FAM120AOS: variants seen among roughly 807,000 people sequenced by gnomAD.
The protein encoded by FAM120AOS is uncharacterized protein FAM120AOS.
A neutral mutation model predicts 20.2 loss-of-function variants in FAM120AOS; 15 were observed. That is an observed-to-expected ratio of 0.74 (90% CI 0.50 to 1.15). FAM120AOS has a LOEUF of 1.15. FAM120AOS is among the 50% of genes most tolerant of loss of function. The probability of loss-of-function intolerance (pLI) is 0.00; values close to 1 mark genes in which losing one functional copy is unlikely to be tolerated. For missense variants in FAM120AOS, 327 were observed against 351.9 expected (o/e 0.93, Z 0.57); for synonymous variants, 154 against 154.0 (o/e 1.00, Z 0.00).
At chr9:93,449,301 G>A (rs1856984710) in intron 2 of FAM120AOS, among the ~76,000 whole-genome samples, 1 of 152,104 alleles carries the variant, frequency 6.6e-6, no homozygotes, top group East Asian at 1.9e-4. Context: ...AACAACCTGG[G>A]AGGTTAAGTA....
chr9:93,452,422 G>C lies in FAM120AOS; in HGVS notation c.288C>G (p.Pro96=), dbSNP rs773846801. The part of the protein sequence containing the change: ...LGRGIGVRRG[P]GPRPARIPGL... ...CGGGGATCCGGGCGGGCCGGGGACC[G>C]GGGCCGCGCCGCACCCCTATCCCCC... Residue 96 remains proline (P), a synonymous_variant, in exon 1 of 3, where the codon CCC becomes CCG. Coordinates refer to ENST00000375412, the MANE Select transcript of FAM120AOS (RefSeq NM_198841.4). This position sits in a 1 kb window ranked among gnomAD's most constrained non-coding sequence, Gnocchi z 7.0. 3 of 1,577,634 alleles carry C rather than the reference G, an allele frequency of 1.9e-6. No homozygotes were observed. The highest frequency in any genetic ancestry group is 2.6e-6 in the Non-Finnish European group (3 of 1,163,514).
rs1265001232 is a variant in FAM120AOS at position 93,443,943 on chromosome 9, G to C, written c.*3668C>G. Among the ~76,000 whole-genome samples, 2 of 152,178 alleles carry C rather than the reference G, an allele frequency of 1.3e-5. No individual in the cohort carries two copies. The highest frequency in any genetic ancestry group is 2.9e-5 in the Non-Finnish European group (2 of 68,036). ...GGCAGAAAGCAGAGAGAGAAAAAAA[G>C]ATGGATTATTTCCACATTCTTCAGA... is the stretch of plus-strand genomic sequence containing the variant. On this transcript the variant is annotated 3_prime_UTR_variant, in exon 3 of 3. Transcript: ENST00000375412.
chr9:93,450,928 C>A, intron 1 of FAM120AOS: 1 of 1,239,452 alleles, frequency 8.1e-7, no homozygotes, highest in South Asian at 1.3e-5. Context: ...CGCAGGCTTT[C>A]CCACGCTGCA....
In FAM120AOS at chr9:93,446,822, G is replaced by C. The variant is rs746513776; in HGVS notation, c.*789C>G. 6.6e-6 allele frequency: 1 copy of C among 152,136 alleles called. No homozygotes were observed. The highest frequency in any genetic ancestry group is 1.5e-5 in the Non-Finnish European group (1 of 68,056). 9.4% of individuals were successfully genotyped at this position (152,136 alleles called of 1,614,324 possible). On this transcript the variant is annotated 3_prime_UTR_variant, in exon 3 of 3. Transcript: ENST00000375412. ...TTTGGACACAAGTTTGGTGAACACG[G>C]TAAGAAAAAAACAAACCAAGCAACA... is the stretch of plus-strand genomic sequence containing the variant.
rs555622411 is a variant in FAM120AOS, at chr9:93,451,521, G to A, written c.563+626C>T. ...CGGATCCCGTCCCGGCCCAACTCCG[G>A]GCCTCCGCCTCCGCCGCCGCCTCCG... On this transcript the variant is annotated intron_variant, in intron 1 of 2. Transcript: ENST00000375412. 2.2e-3 allele frequency: 2,156 copies of A among 997,620 alleles called. 41 individuals are homozygous for A. The African/African-American group carries it at 0.035, about 16-fold the overall frequency. 61.8% of individuals were successfully genotyped at this position (997,620 alleles called of 1,614,324 possible).
rs1044569563 is a variant in FAM120AOS at position 93,453,362 on chromosome 9, C to T, written c.-653G>A. The T allele has an allele frequency of 5.1e-6, 5 of 985,430 alleles. No individual in the cohort carries two copies. The highest frequency in any genetic ancestry group is 6.0e-6 in the Non-Finnish European group (5 of 830,026). The allele number at this position is 985,430 out of a possible 1,614,324, so 61.0% of individuals were successfully genotyped here. On this transcript the variant is annotated 5_prime_UTR_variant, in exon 1 of 3. Transcript: ENST00000375412. ...ACCCAGCAGTGACTGTGAAGATAAGCACATCCATGATCCTGGACTTCACGT... is the reference window on the plus strand; with the variant it reads ...ACCCAGCAGTGACTGTGAAGATAAGTACATCCATGATCCTGGACTTCACGT...
chr9:93,453,144 A>C lies in FAM120AOS; in HGVS notation c.-435T>G. 1 of 1,003,700 alleles carries C rather than the reference A, an allele frequency of 1.0e-6. No homozygotes were observed. Among genetic ancestry groups the C allele is most frequent in the Non-Finnish European group, 1.2e-6 (1 of 842,128 alleles). 62.2% of individuals were successfully genotyped at this position (1,003,700 alleles called of 1,614,324 possible). ...GGTTTTGTAGATCCCATGCGAAAGG[A>C]GTCGCTCAAAATCAGGGGGCGAACT... On this transcript the variant is annotated 5_prime_UTR_variant, in exon 1 of 3. Transcript: ENST00000375412.
At position 93,450,508 on chromosome 9, in the gene FAM120AOS, T is replaced by C; in HGVS notation, c.655A>G (p.Lys219Glu). Residue 219 changes from lysine to glutamate, a missense_variant, in exon 2 of 3, where the codon AAA (lysine) becomes GAA (glutamate). Transcript: ENST00000375412. ...TTCACCGGGAGTATGGGGGCTTCTT[T>C]GGCCAAACCGTGCGCGTGCAGGCTC... is the stretch of plus-strand genomic sequence containing the variant. ...TWSLHAHGLA[K>E]EAPILPVKKI... The C allele has an allele frequency of 6.3e-7, 1 of 1,590,354 alleles. No individual in the cohort carries two copies.
In FAM120AOS at chr9:93,452,533, G is replaced by A; in HGVS notation, c.177C>T (p.Gly59=). ...CCCTTGCCCGGGATAGCCTGGCCGG[G>A]CCGGGCTGCAAGATGGATGGCCGCG... ...LHPRPSILQP[G]PARLSRARAG... is the part of the protein sequence containing the mutation. The change falls in exon 1 of 3, where the codon GGC becomes GGT. Residue 59 remains glycine (G), a synonymous_variant. Coordinates refer to ENST00000375412, the MANE Select transcript of FAM120AOS (RefSeq NM_198841.4). The surrounding 1 kb of genome is among the most constrained non-coding windows in gnomAD (Gnocchi z 7.0). The A allele has an allele frequency of 6.4e-7, 1 of 1,563,262 alleles. No individual in the cohort carries two copies. The highest frequency in any genetic ancestry group is 2.3e-5 in the East Asian group (1 of 42,998).
At chr9:93,450,346 G>T in intron 2 of FAM120AOS, 133 bp downstream of exon 2, 1 of 1,323,398 alleles carries the variant, frequency 7.6e-7, no homozygotes, top group Non-Finnish European at 1.0e-6. Flanking sequence ...ATGCATAGGT[G>T]AGTGGCATAA....
intron 1 of FAM120AOS, chr9:93,451,812 G>A: frequency 1.1e-6 from 1 of 916,002 alleles, no homozygotes. Context: ...GTCCCCCCTA[G>A]AGGCCGCCGC....
At chr9:93,451,474 C>T in intron 1 of FAM120AOS, 1 of 1,097,372 alleles carries the variant, frequency 9.1e-7, no homozygotes, top group Non-Finnish European at 1.1e-6. Flanking sequence ...CAGGCGCTGC[C>T]TGCTCCGGCT....
rs986011666 is a variant in FAM120AOS, at chr9:93,445,903, T to C, written c.*1708A>G. On this transcript the variant is annotated 3_prime_UTR_variant, in exon 3 of 3. Coordinates refer to ENST00000375412, the MANE Select transcript of FAM120AOS (RefSeq NM_198841.4). ...AGTTTAACCAAACTGGAGGCATGTT[T>C]TATATGATGGGCTGATGTCTCATGA... Among the ~76,000 whole-genome samples, 1 of 152,178 alleles carries C rather than the reference T, an allele frequency of 6.6e-6. No individual in the cohort carries two copies.
Position 93,453,521 on chromosome 9 carries a change from G to C in FAM120AOS, c.-812C>G. On this transcript the variant is annotated 5_prime_UTR_variant, in exon 1 of 3. Transcript: ENST00000375412. ...TTGAAACTGCTGGAGCTGAAAGTTTGTGAAATTCTGTCTTCGCGGTTGCCC... is the reference window on the plus strand; with the variant it reads ...TTGAAACTGCTGGAGCTGAAAGTTTCTGAAATTCTGTCTTCGCGGTTGCCC... 1.0e-6 allele frequency: 1 copy of C among 985,468 alleles called. No individual in the cohort carries two copies. Among genetic ancestry groups the C allele is most frequent in the Non-Finnish European group, 1.2e-6 (1 of 829,938 alleles). 61.0% of individuals were successfully genotyped at this position (985,468 alleles called of 1,614,324 possible). A position where few individuals can be genotyped will look rare whatever the true frequency, so the allele number is the denominator to read the frequency against.
intron 2 of FAM120AOS, among the ~76,000 whole-genome samples, chr9:93,449,400 A>G (rs1856989248): frequency 6.6e-6 from 1 of 151,884 alleles, no homozygotes; most frequent in Non-Finnish European, 1.5e-5. Context: ...CATAAGATGG[A>G]TATTGGGGGC....
intron 1 of FAM120AOS, chr9:93,451,501 C>A (rs566024400): frequency 9.8e-7 from 1 of 1,016,456 alleles, no homozygotes; most frequent in South Asian, 4.5e-5. Flanking sequence ...CCTCCCGGAT[C>A]CCGTCCCGGC....
Position 93,444,614 on chromosome 9 carries a change from C to T in FAM120AOS, c.*2997G>A, listed in dbSNP as rs1022110164. 2.9e-4 allele frequency among the ~76,000 whole-genome samples: 42 copies of T among 143,578 alleles called. No individual in the cohort carries two copies. The highest frequency in any genetic ancestry group is 6.1e-4 in the Non-Finnish European group (40 of 65,094). The allele number at this position is 143,578 out of a possible 152,430, so 94.2% of individuals were successfully genotyped here. The stretch of plus-strand genomic sequence containing the variant: ...GTTTTGAGGCCAGTAAGGAGTTCTG[C>T]TTTTTTTTTTTTTTCCTGAGACGGA... On this transcript the variant is annotated 3_prime_UTR_variant, in exon 3 of 3. Coordinates refer to ENST00000375412, the MANE Select transcript of FAM120AOS (RefSeq NM_198841.4).
chr9:93,447,744 G>A (rs1256058144), intron 2 of FAM120AOS, 47 bp from the exon 3 acceptor site: 1 of 1,519,372 alleles, frequency 6.6e-7, no homozygotes, highest in Non-Finnish European at 9.1e-7. Flanking sequence ...TTTGGAATAT[G>A]AAATGTATTT....
intron 1 of FAM120AOS, 144 bp from the exon 2 acceptor site, chr9:93,450,743 G>T: frequency 7.8e-7 from 1 of 1,279,306 alleles, no homozygotes; most frequent in Non-Finnish European, 1.1e-6. Context: ...TATACATACA[G>T]TATCAACCTC....
Sources: gnomAD v4.1 joint callset for allele counts (sites outside exome capture counted in the v4.1 genomes callset) on GRCh38, gnomAD v4.1.1 for gene constraint, Gnocchi (gnomAD v3.1) non-coding constraint, MANE v1.5 for transcripts, NCBI Gene and HGNC (gene_info 2026-07-23, HGNC 2026-07-21) for gene names.